The following MAGI3 variants were observed in gnomAD, a reference collection of about 807,000 sequenced individuals.
The protein encoded by MAGI3 is membrane-associated guanylate kinase, WW and PDZ domain-containing protein 3.
Under a neutral mutation model 121.8 loss-of-function variants are expected in MAGI3, and 43 were observed. That is an observed-to-expected ratio of 0.35 (90% confidence interval 0.28 to 0.46). MAGI3 has a LOEUF of 0.46. Among genes scored for constraint, MAGI3 ranks in the 20% least tolerant of loss-of-function variants. The probability of loss-of-function intolerance (pLI) is 1.00; values close to 1 mark genes in which losing one functional copy is unlikely to be tolerated. For missense variants in MAGI3, 1,547 were observed against 1,797.3 expected (o/e 0.86, Z 2.52); for synonymous variants, 553 against 639.3 (o/e 0.86, Z 2.04).
intron 19 of MAGI3, among the ~76,000 whole-genome samples, chr1:113,678,645 A>C (rs1182917020): frequency 6.6e-6 from 1 of 152,232 alleles, no homozygotes; most frequent in African/African-American, 2.4e-5. Flanking sequence ...GATACACTTT[A>C]AAATAGCTTG....
chr1:113,628,363 C>T (rs574903409), intron 9 of MAGI3, among the ~76,000 whole-genome samples: 1 of 151,962 alleles, frequency 6.6e-6, no homozygotes, highest in African/African-American at 2.4e-5. Flanking sequence ...TGTTATTTCT[C>T]TTTATGTCTT....
intron 1 of MAGI3, among the ~76,000 whole-genome samples, chr1:113,470,907 A>T (rs1349894007): frequency 1.3e-5 from 2 of 152,240 alleles, no homozygotes; most frequent in East Asian, 3.8e-4. Context: ...CATAGTATAT[A>T]GCCTTTTAGT....
At chr1:113,581,385 G>A (rs994244061) in intron 3 of MAGI3, among the ~76,000 whole-genome samples, 1 of 152,018 alleles carries the variant, frequency 6.6e-6, no homozygotes, top group Non-Finnish European at 1.5e-5. Context: ...ATCTAACCTG[G>A]AATTCAGCGT....
chr1:113,461,015 C>T (rs545088096), intron 1 of MAGI3, among the ~76,000 whole-genome samples: 4 of 152,224 alleles, frequency 2.6e-5, no homozygotes, highest in South Asian at 4.1e-4. Context: ...CCTGGGACTA[C>T]AGCTAGCCAG....
chr1:113,423,978 C>T (rs1481567325), intron 1 of MAGI3, among the ~76,000 whole-genome samples: 1 of 152,196 alleles, frequency 6.6e-6, no homozygotes, highest in Non-Finnish European at 1.5e-5. Flanking sequence ...AGGGAGAAGC[C>T]AGGGAGCAGG....
chr1:113,608,699 T>G (rs1649940492), intron 6 of MAGI3, among the ~76,000 whole-genome samples: 1 of 152,184 alleles, frequency 6.6e-6, no homozygotes, highest in Non-Finnish European at 1.5e-5. Flanking sequence ...TAAGACATTC[T>G]TTCTTCCTTG....
chr1:113,510,540 A>G (rs1487991882), intron 1 of MAGI3, among the ~76,000 whole-genome samples: 1 of 152,172 alleles, frequency 6.6e-6, no homozygotes, highest in African/African-American at 2.4e-5. Flanking sequence ...ACTAAAAATA[A>G]ACTTTTGAGA....
chr1:113,467,655 C>T (rs1655355351), intron 1 of MAGI3, among the ~76,000 whole-genome samples: 1 of 152,170 alleles, frequency 6.6e-6, no homozygotes, highest in Non-Finnish European at 1.5e-5. Context: ...GCCTCAGCCT[C>T]CCAAGTAGCT....
intron 1 of MAGI3, among the ~76,000 whole-genome samples, chr1:113,509,027 C>T (rs75456724): frequency 2.6e-3 from 402 of 152,122 alleles, no homozygotes; most frequent in Non-Finnish European, 4.9e-3. Context: ...ACTTAGGCAA[C>T]CCTAACATTA....
At chr1:113,650,683 C>G (rs1365933859) in intron 13 of MAGI3, among the ~76,000 whole-genome samples, 4 of 152,136 alleles carry the variant, frequency 2.6e-5, no homozygotes, top group African/African-American at 9.7e-5. Flanking sequence ...AGCTACTCTG[C>G]AGATTTATAT....
chr1:113,528,294 CTTTT>C (rs60603067), intron 1 of MAGI3, among the ~76,000 whole-genome samples: 1 of 138,188 alleles, frequency 7.2e-6, no homozygotes, highest in Non-Finnish European at 1.6e-5. Flanking sequence ...CTCCCCCAAC[CTTTT>C]TTTTTTTTTT....
chr1:113,621,589 A>C (rs185872811), intron 8 of MAGI3, among the ~76,000 whole-genome samples: 19 of 152,252 alleles, frequency 1.2e-4, no homozygotes, highest in Admixed American at 4.6e-4. Context: ...GTGAGTGTTC[A>C]TATCAACATT....
chr1:113,551,701 A>T (rs905227386), intron 2 of MAGI3, among the ~76,000 whole-genome samples: 2 of 152,116 alleles, frequency 1.3e-5, no homozygotes, highest in Non-Finnish European at 2.9e-5. Flanking sequence ...ATTTTTATTG[A>T]TGTGATCAAT....
At chr1:113,548,361 T>G (rs2101666720) in intron 1 of MAGI3, among the ~76,000 whole-genome samples, 1 of 152,352 alleles carries the variant, frequency 6.6e-6, no homozygotes, top group Non-Finnish European at 1.5e-5. Flanking sequence ...TTTTTTCTGC[T>G]TAATATTTCT....
intron 4 of MAGI3, among the ~76,000 whole-genome samples, chr1:113,587,911 T>C (rs1344465882): frequency 6.6e-6 from 1 of 152,226 alleles, no homozygotes; most frequent in Admixed American, 6.5e-5. Context: ...GCATACAAAA[T>C]AAATCATGTG....
At chr1:113,513,751 GA>G (rs1657738582) in intron 1 of MAGI3, among the ~76,000 whole-genome samples, 1 of 151,992 alleles carries the variant, frequency 6.6e-6, no homozygotes, top group Admixed American at 6.6e-5. Flanking sequence ...CAAAAGCAAT[GA>G]GCAACAAAAG....
intron 6 of MAGI3, 74 bp downstream of exon 6, chr1:113,594,634 G>A (rs1648886727): frequency 1.5e-6 from 2 of 1,325,324 alleles, no homozygotes; most frequent in South Asian, 2.8e-5. Flanking sequence ...CAGATAATGG[G>A]TTTTTCAAAA....
At position 113,530,323 on chromosome 1, in the gene MAGI3, G is replaced by GAA. The variant is rs35215967; in HGVS notation, c.317-19179_317-19178dup. 7.4e-4 allele frequency among the ~76,000 whole-genome samples: 98 copies of GAA among 132,946 alleles called. No individual in the cohort carries two copies. The Middle Eastern group carries it at 0.015, about 20-fold the overall frequency. 87.2% of individuals were successfully genotyped at this position (132,946 alleles called of 152,430 possible). A position where few individuals can be genotyped will look rare whatever the true frequency, so the allele number is the denominator to read the frequency against. On this transcript the variant is annotated intron_variant, in intron 1 of 20. Coordinates refer to ENST00000307546, the MANE Select transcript of MAGI3 (RefSeq NM_001142782.2). ...TCATCTAAAACTTCCTACCAGAAAG[G>GAA]AAAAAAAAAAAAAAGACAACTTAAC...
At chr1:113,599,267 T>C (rs1011129067) in intron 6 of MAGI3, among the ~76,000 whole-genome samples, 4 of 151,916 alleles carry the variant, frequency 2.6e-5, no homozygotes, top group Admixed American at 6.6e-5. Flanking sequence ...TTCAAAAAAT[T>C]AATGAATCCA....
Sources: gnomAD v4.1 joint callset for allele counts (sites outside exome capture counted in the v4.1 genomes callset) on GRCh38, gnomAD v4.1.1 for gene constraint, MANE v1.5 for transcripts, NCBI Gene and HGNC (gene_info 2026-07-23, HGNC 2026-07-21) for gene names.